COL4A6: variants seen among roughly 807,000 people sequenced by gnomAD.
The protein encoded by COL4A6 is collagen alpha-6(IV) chain.
In COL4A6, 59 loss-of-function variants were observed where a neutral mutation model predicts 126.7. That is an observed-to-expected ratio of 0.47 (90% confidence interval 0.38 to 0.58). COL4A6 has a LOEUF of 0.58. COL4A6 is among the 20% of genes least tolerant of loss of function. The pLI, the probability that COL4A6 is intolerant of heterozygous loss-of-function variation, is 0.00. For missense variants in COL4A6, 1,285 were observed against 1,337.3 expected (o/e 0.96, Z 0.61); for synonymous variants, 547 against 496.6 (o/e 1.10, Z -1.35).
At chrX:108,415,890 G>A (rs1209474913) in intron 2 of COL4A6, among the ~76,000 whole-genome samples, 1 of 111,940 alleles carries the variant, frequency 8.9e-6, no homozygotes, top group Non-Finnish European at 1.9e-5. Context: ...GACCAAAGAG[G>A]GTAACCAAAT....
At chrX:108,256,771 G>A (rs2037017968) in intron 3 of COL4A6, among the ~76,000 whole-genome samples, 1 of 110,950 alleles carries the variant, frequency 9.0e-6, no homozygotes, top group African/African-American at 3.3e-5. Context: ...AGCCCAGCAG[G>A]TGATTCAGAT....
chrX:108,241,981 C>T (rs909849774), intron 3 of COL4A6, among the ~76,000 whole-genome samples: 16 of 102,325 alleles, frequency 1.6e-4, no homozygotes, highest in Non-Finnish European at 2.5e-4. Context: ...ATATTTTGTT[C>T]AGATTTCACC....
At chrX:108,175,618 T>G in intron 29 of COL4A6, 36 bp downstream of exon 29, 4 of 1,168,752 alleles carry the variant, frequency 3.4e-6, no homozygotes, top group Non-Finnish European at 4.6e-6. Flanking sequence ...TTGAAAAGCA[T>G]GGGCAGCAGT....
At chrX:108,418,553 T>A (rs1420680468) in intron 2 of COL4A6, among the ~76,000 whole-genome samples, 1 of 111,411 alleles carries the variant, frequency 9.0e-6, no homozygotes, top group East Asian at 2.8e-4. Flanking sequence ...TGTAAGAAAA[T>A]GTTATGGAAA....
rs763913956 is a variant in COL4A6, at chrX:108,157,064, G to A, written c.5009C>T (p.Thr1670Met). The A allele has an allele frequency of 1.2e-5, 14 of 1,210,030 alleles. No individual in the cohort carries two copies. Among genetic ancestry groups the A allele is most frequent in the Middle Eastern group, 2.3e-4 (1 of 4,375 alleles). The part of the protein sequence containing the change: ...QQFGELPVSE[T>M]LKAGQLHTRV... ...AGTGTGGAGCTGCCCAGCTTTCAGC[G>A]TTTCAGACACAGGCAACTCCCCAAA... is the stretch of plus-strand genomic sequence containing the variant. The change falls in exon 45 of 45, where the codon ACG (threonine) becomes ATG (methionine). Residue 1670 changes from threonine to methionine, a missense_variant. By Grantham distance (81) the Thr-to-Met change is moderately conservative (BLOSUM62 -1). Coordinates refer to ENST00000334504, the MANE Select transcript of COL4A6 (RefSeq NM_033641.4).
intron 3 of COL4A6, among the ~76,000 whole-genome samples, chrX:108,273,513 T>TC: frequency 8.9e-6 from 1 of 112,061 alleles, no homozygotes; most frequent in East Asian, 2.8e-4. Flanking sequence ...ATCATGCTAC[T>TC]ATAAAGACAC....
chrX:108,266,172 T>C (rs1745997493), intron 3 of COL4A6, among the ~76,000 whole-genome samples: 1 of 111,446 alleles, frequency 9.0e-6, no homozygotes, highest in African/African-American at 3.3e-5. Context: ...CTTGGGAAGA[T>C]AGAGCATGAG....
intron 16 of COL4A6, 115 bp from the exon 17 acceptor site, chrX:108,193,812 A>G: frequency 1.8e-6 from 1 of 541,254 alleles, no homozygotes; most frequent in Non-Finnish European, 3.0e-6. Flanking sequence ...CTATAACCCC[A>G]GATTTTCAAG....
rs752469273 is a variant in COL4A6, at chrX:108,156,968, G to A, written c.*32C>T. 8.4e-7 allele frequency: 1 copy of A among 1,188,084 alleles called. No individual in the cohort carries two copies. The highest frequency in any genetic ancestry group is 3.0e-5 in the East Asian group (1 of 33,713). ...TGAGGTGACTGTTGTGAGGGGCAGG[G>A]GAGGGCAAGGGGCAGAGTGGCAGGT... is the stretch of plus-strand genomic sequence containing the variant. On this transcript the variant is annotated 3_prime_UTR_variant, in exon 45 of 45. Coordinates refer to ENST00000334504, the MANE Select transcript of COL4A6 (RefSeq NM_033641.4).
chrX:108,255,221 T>G (rs1252546100), intron 3 of COL4A6, among the ~76,000 whole-genome samples: 1 of 75,449 alleles, frequency 1.3e-5, no homozygotes. Context: ...AGGAAAGGCA[T>G]CCTCAAATGG....
intron 27 of COL4A6, among the ~76,000 whole-genome samples, chrX:108,177,309 A>T (rs1482637616): frequency 8.9e-6 from 1 of 112,203 alleles, no homozygotes; most frequent in Admixed American, 9.4e-5. Flanking sequence ...TGTGGTTTAC[A>T]CTTTAGCCCC....
In COL4A6 at chrX:108,419,268, T is replaced by C. The variant is rs368726087; in HGVS notation, c.63+18674A>G. ...AAGAAACAAACCTGCAATAATACAATATATACAATGCCTTATTTTAGATTG... is the reference window on the plus strand; with the variant it reads ...AAGAAACAAACCTGCAATAATACAACATATACAATGCCTTATTTTAGATTG... On this transcript the variant is annotated intron_variant, in intron 2 of 44. Coordinates refer to ENST00000334504, the MANE Select transcript of COL4A6 (RefSeq NM_033641.4). Among the ~76,000 whole-genome samples the C allele has an allele frequency of 7.1e-5, 8 of 111,999 alleles. No homozygotes were observed. The East Asian group carries it at 1.4e-3, about 19-fold the overall frequency.
At chrX:108,399,580 C>T (rs778325299) in intron 2 of COL4A6, among the ~76,000 whole-genome samples, 1 of 111,309 alleles carries the variant, frequency 9.0e-6, no homozygotes, top group East Asian at 2.8e-4. Flanking sequence ...ACTGTTTGTG[C>T]AAGTGTTTTC....
intron 2 of COL4A6, chrX:108,383,738 T>C: frequency 1.9e-6 from 1 of 518,034 alleles, no homozygotes; most frequent in Non-Finnish European, 3.5e-6. Context: ...TCAGTCACAC[T>C]GTCTGGAAAA....
Position 108,160,635 on chromosome X carries a change from G to A in COL4A6, c.4353C>T (p.Gly1451=). ...CAGGCATTCCAGGCATCCCGAAGGG[G>A]CCTTGCTGCCCTGGAGCTCCTGAGA... is the stretch of plus-strand genomic sequence containing the variant. ...PGFEGAPGQQ[G]PFGMPGMPGQ... The change falls in exon 43 of 45, where the codon GGC becomes GGT. Residue 1451 remains glycine, a synonymous_variant. Coordinates refer to ENST00000334504, the MANE Select transcript of COL4A6 (RefSeq NM_033641.4). The A allele has an allele frequency of 8.3e-7, 1 of 1,207,823 alleles. No homozygotes were observed. Among genetic ancestry groups the A allele is most frequent in the African/African-American group, 1.7e-5 (1 of 57,831 alleles).
intron 2 of COL4A6, among the ~76,000 whole-genome samples, chrX:108,316,198 G>A (rs2038877097): frequency 8.9e-6 from 1 of 111,977 alleles, no homozygotes; most frequent in South Asian, 3.7e-4. Flanking sequence ...AGAAGCTTAG[G>A]TCACAGAAGA....
At chrX:108,282,725 T>C (rs1440666113) in intron 3 of COL4A6, among the ~76,000 whole-genome samples, 6 of 107,579 alleles carry the variant, frequency 5.6e-5, no homozygotes, top group African/African-American at 2.0e-4. Flanking sequence ...CTATTCACAA[T>C]AGCAAAGACT....
chrX:108,392,466 A>G (rs1315242840), intron 2 of COL4A6, among the ~76,000 whole-genome samples: 1 of 111,170 alleles, frequency 9.0e-6, no homozygotes, highest in African/African-American at 3.3e-5. Context: ...TGAAAAAAAA[A>G]AAAACTGTTC....
intron 2 of COL4A6, among the ~76,000 whole-genome samples, chrX:108,423,864 C>T (rs760775073): frequency 9.0e-6 from 1 of 111,399 alleles, no homozygotes; most frequent in African/African-American, 3.3e-5. Flanking sequence ...AGTTTCTTCC[C>T]TCTTAACCAC....
Sources: gnomAD v4.1 joint callset for allele counts (sites outside exome capture counted in the v4.1 genomes callset) on GRCh38, gnomAD v4.1.1 for gene constraint, MANE v1.5 for transcripts, NCBI Gene and HGNC (gene_info 2026-07-23, HGNC 2026-07-21) for gene names.